CRACD: variants seen among roughly 807,000 people sequenced by gnomAD.
CRACD encodes the protein capping protein inhibiting regulator of actin dynamics.
In CRACD, 56 loss-of-function variants were observed where a neutral mutation model predicts 106.8. The observed-to-expected ratio is 0.52, with a 90% CI of 0.42 to 0.66. CRACD has a LOEUF of 0.66. Among genes scored for constraint, CRACD ranks in the 30% least tolerant of loss-of-function variants. The probability of loss-of-function intolerance (pLI) is 0.00; values close to 1 mark genes in which losing one functional copy is unlikely to be tolerated. For synonymous variants in CRACD, 754 were observed against 670.8 expected, an observed-to-expected ratio of 1.12 and a Z score of -1.92; for missense variants, 1,730 against 1,623.2, an observed-to-expected ratio of 1.07 and a Z score of -1.13.
Position 56,313,229 on chromosome 4 carries a change from G to C in CRACD, c.387G>C (p.Arg129Ser). 2 of 1,614,148 alleles carry C rather than the reference G, an allele frequency of 1.2e-6. No individual in the cohort carries two copies. The highest frequency in any genetic ancestry group is 1.6e-4 in the Middle Eastern group (1 of 6,062). Residue 129 changes from arginine (R) to serine (S), a missense_variant, in exon 7 of 11, where the codon AGG becomes AGC. Around this residue, in one of 5 missense-constraint regions of CRACD, gnomAD observed 1,620 missense variants for 1,481.6 expected, o/e 1.09. Transcript: ENST00000682029. ...CCGTTAAACCGTCTCGGCCAAAAAG[G>C]CACTTCTCTTCTGCTGGCACCATCG... ...VAPVKPSRPK[R>S]HFSSAGTIES...
At chr4:56,209,130 C>G (rs1017637223) in intron 2 of CRACD, among the ~76,000 whole-genome samples, 1 of 152,078 alleles carries the variant, frequency 6.6e-6, no homozygotes, top group Non-Finnish European at 1.5e-5. Context: ...TTAATAAAAC[C>G]TTATAAACAA....
At chr4:56,306,611 G>A (rs1444100544) in intron 4 of CRACD, among the ~76,000 whole-genome samples, 2 of 152,210 alleles carry the variant, frequency 1.3e-5, no homozygotes. Context: ...AAGGACCTAG[G>A]TCTAGAGCAG....
intron 1 of CRACD, among the ~76,000 whole-genome samples, chr4:56,059,100 C>T (rs1220959051): frequency 2.0e-5 from 3 of 152,106 alleles, no homozygotes; most frequent in Non-Finnish European, 4.4e-5. Flanking sequence ...TGGTTACCTT[C>T]AAGCAGGCAA....
chr4:56,217,831 T>C (rs1201645743), intron 2 of CRACD, among the ~76,000 whole-genome samples: 1 of 152,202 alleles, frequency 6.6e-6, no homozygotes, highest in Non-Finnish European at 1.5e-5. Flanking sequence ...AAGGGTTCAT[T>C]CAGTTGGTTG....
chr4:56,057,985 A>AT, intron 1 of CRACD, among the ~76,000 whole-genome samples: 1 of 115,522 alleles, frequency 8.7e-6, no homozygotes, highest in East Asian at 2.1e-4. Context: ...CGCCCAGCTA[A>AT]TTTTTTGTAT....
At position 56,321,285 on chromosome 4, in the gene CRACD, G is replaced by A. The variant is rs547174233; in HGVS notation, c.3188-2092G>A. ...TGCTGAGATGAAGGAGACCTGCCAAGGCCACTGCGTCCACATTGCACCCAG... is the reference window on the plus strand; with the variant it reads ...TGCTGAGATGAAGGAGACCTGCCAAAGCCACTGCGTCCACATTGCACCCAG... On this transcript the variant is annotated intron_variant, in intron 8 of 10. Coordinates refer to ENST00000682029, the MANE Select transcript of CRACD (RefSeq NM_001393381.1). The A allele has an allele frequency of 2.1e-4, 39 of 184,996 alleles. No homozygotes were observed. In the South Asian group the frequency reaches 3.9e-3, roughly 18 times the overall value. The allele number at this position is 184,996 out of a possible 1,614,324, so 11.5% of individuals were successfully genotyped here.
chr4:56,105,701 G>A (rs1167839768), intron 1 of CRACD, among the ~76,000 whole-genome samples: 1 of 152,130 alleles, frequency 6.6e-6, no homozygotes, highest in African/African-American at 2.4e-5. Context: ...TTTTCAGGTG[G>A]AGACAGCATC....
intron 3 of CRACD, among the ~76,000 whole-genome samples, chr4:56,295,660 C>CAT (rs57635563): frequency 6.9e-4 from 75 of 109,066 alleles, no homozygotes; most frequent in Non-Finnish European, 8.9e-4. Context: ...AATTAGTAAA[C>CAT]ATATATATAT....
chr4:56,232,716 A>ATTTATTTATTTG (rs1739699939), intron 2 of CRACD, among the ~76,000 whole-genome samples: 1 of 149,418 alleles, frequency 6.7e-6, no homozygotes, highest in Non-Finnish European at 1.5e-5. Context: ...TTATTTATTT[A>ATTTATTTATTTG]TTTATTTATT....
At chr4:56,287,188 G>A (rs1471419709) in intron 3 of CRACD, among the ~76,000 whole-genome samples, 1 of 152,184 alleles carries the variant, frequency 6.6e-6, no homozygotes, top group Non-Finnish European at 1.5e-5. Context: ...ATGGTGACGT[G>A]ATCATAACTC....
At chr4:56,211,354 A>G (rs186274594) in intron 2 of CRACD, among the ~76,000 whole-genome samples, 45 of 152,222 alleles carry the variant, frequency 3.0e-4, no homozygotes, top group Admixed American at 8.5e-4. Flanking sequence ...TAGCTTGGCC[A>G]TACTGCCTCC....
intron 2 of CRACD, among the ~76,000 whole-genome samples, chr4:56,186,600 GC>G (rs1176699093): frequency 2.0e-5 from 3 of 152,212 alleles, no homozygotes; most frequent in African/African-American, 7.2e-5. Context: ...CTTTTTACAT[GC>G]CAGACATTGT....
At chr4:56,138,167 G>T (rs1166263690) in intron 1 of CRACD, among the ~76,000 whole-genome samples, 1 of 152,010 alleles carries the variant, frequency 6.6e-6, no homozygotes, top group East Asian at 1.9e-4. Context: ...TGATAAAAGG[G>T]ATAATATTAA....
Position 56,327,858 on chromosome 4 carries a change from T to G in CRACD, c.*54T>G. On this transcript the variant is annotated 3_prime_UTR_variant, in exon 11 of 11. Transcript: ENST00000682029. The stretch of plus-strand genomic sequence containing the variant: ...AGTTATTGGCTCCTCTCTTGCCCTT[T>G]TTATTTATTTATTTTTTATATGGGG... 6.9e-7 allele frequency: 1 copy of G among 1,448,214 alleles called. No individual in the cohort carries two copies. Among genetic ancestry groups the G allele is most frequent in the Admixed American group, 2.1e-5 (1 of 47,556 alleles). The allele number at this position is 1,448,214 out of a possible 1,614,324, so 89.7% of individuals were successfully genotyped here.
chr4:56,316,614 A>T lies in CRACD; in HGVS notation c.3112A>T (p.Arg1038Trp). 6.2e-7 allele frequency: 1 copy of T among 1,613,396 alleles called. No homozygotes were observed. Among genetic ancestry groups the T allele is most frequent in the Non-Finnish European group, 8.5e-7 (1 of 1,179,896 alleles). The change falls in exon 8 of 11, where the codon AGG becomes TGG. Residue 1038 changes from arginine to tryptophan, a missense_variant. Physicochemically the swap from Arg to Trp is moderately radical, Grantham distance 101. Coordinates refer to ENST00000682029, the MANE Select transcript of CRACD (RefSeq NM_001393381.1). ...KRDEEEEATE[R>W]KPASPPLPAT... ...GGACGAGGAGGAAGAGGCGACAGAG[A>T]GGAAACCTGCTTCCCCACCTCTGCC...
intron 2 of CRACD, among the ~76,000 whole-genome samples, chr4:56,233,492 A>G (rs1237123705): frequency 6.6e-6 from 1 of 152,138 alleles, no homozygotes; most frequent in Non-Finnish European, 1.5e-5. Flanking sequence ...GTCAAAAATC[A>G]GTTGTCAGTA....
At chr4:56,234,183 C>T (rs530636407) in intron 2 of CRACD, among the ~76,000 whole-genome samples, 1 of 152,146 alleles carries the variant, frequency 6.6e-6, no homozygotes, top group African/African-American at 2.4e-5. Flanking sequence ...TGCAACCATC[C>T]CATTATCCAA....
chr4:56,069,630 C>T (rs10517367), intron 1 of CRACD, among the ~76,000 whole-genome samples: 45,583 of 152,008 alleles, frequency 0.3, 7,419 homozygotes, highest in African/African-American at 0.43. Context: ...TACTTTTGTT[C>T]TAAACTAGCC....
intron 1 of CRACD, among the ~76,000 whole-genome samples, chr4:56,084,596 A>G (rs1345462728): frequency 6.6e-6 from 1 of 152,230 alleles, no homozygotes; most frequent in African/African-American, 2.4e-5. Context: ...AGCCAGCACC[A>G]AGACAGAACA....
Sources: allele counts gnomAD v4.1 joint callset (sites outside exome capture counted in the v4.1 genomes callset), GRCh38; gene constraint gnomAD v4.1.1; regional missense constraint gnomAD v4.1.1; transcripts MANE v1.5; gene names NCBI Gene and HGNC (gene_info 2026-07-23, HGNC 2026-07-21).